Variants in FOCAD observed in about 807,000 individuals in gnomAD.
FOCAD encodes the protein KIAA1797.
A neutral mutation model predicts 225.6 loss-of-function variants in FOCAD; 198 were observed. That is an observed-to-expected ratio of 0.88 (90% confidence interval 0.78 to 0.99). The LOEUF is 0.99. Ranked by LOEUF, FOCAD falls within the 50% of genes least tolerant of loss-of-function variation. The pLI is 0.00. For synonymous variants in FOCAD, 897 were observed against 755.0 expected (o/e 1.19, Z -3.08); for missense variants, 2,713 against 2,123.6 (o/e 1.28, Z -5.46).
At chr9:20,935,531 G>C (rs1289737999) in intron 28 of FOCAD, among the ~76,000 whole-genome samples, 1 of 152,056 alleles carries the variant, frequency 6.6e-6, no homozygotes, top group Non-Finnish European at 1.5e-5. Flanking sequence ...CTCCCAAATT[G>C]CTGGCATTAC....
intron 28 of FOCAD, among the ~76,000 whole-genome samples, chr9:20,939,150 CAAAA>C (rs565280892): frequency 1.4e-5 from 1 of 72,486 alleles, no homozygotes; most frequent in East Asian, 3.6e-4. Flanking sequence ...ACTCTCTTCT[CAAAA>C]AAAAAAAAAA....
chr9:20,933,492 T>C (rs1433754028), intron 28 of FOCAD, among the ~76,000 whole-genome samples: 1 of 152,212 alleles, frequency 6.6e-6, no homozygotes, highest in African/African-American at 2.4e-5. Flanking sequence ...AATAATAGTC[T>C]CCAGTCTCAT....
rs369256456 is a variant in FOCAD at position 20,808,056 on chromosome 9, AAAAG to A, written c.1456-11733_1456-11730del. On this transcript the variant is annotated intron_variant, in intron 11 of 43. Transcript: ENST00000338382. ...AGTGAGACTCCGTCTAAGAAAAAAA[AAAAG>A]AAAGAACGAAATACTCCTTATTGGT... Among the ~76,000 whole-genome samples, 448 of 152,258 alleles carry A rather than the reference AAAAG, an allele frequency of 2.9e-3. 4 individuals carry two copies. The highest frequency in any genetic ancestry group is 0.01 in the African/African-American group (435 of 41,544).
At chr9:20,911,493 A>C (rs1833434942) in intron 22 of FOCAD, among the ~76,000 whole-genome samples, 1 of 152,186 alleles carries the variant, frequency 6.6e-6, no homozygotes, top group African/African-American at 2.4e-5. Context: ...TACAGATAAA[A>C]ATATGAATTA....
chr9:20,821,035 C>A lies in FOCAD; in HGVS notation c.1757C>A (p.Ala586Glu). The change falls in exon 14 of 44, where the codon GCA becomes GAA. Residue 586 changes from alanine to glutamate, a missense_variant. By Grantham distance (107) the Ala-to-Glu change is moderately radical (BLOSUM62 -1). Transcript: ENST00000338382. The part of the protein sequence containing the change: ...GKEVQWEKLI[A>E]KAASIRDICK... ...GAAGTCCAATGGGAGAAACTGATTG[C>A]AAAAGCAGCATCAATCAGAGATATA... 1 of 1,612,504 alleles carries A rather than the reference C, an allele frequency of 6.2e-7. No homozygotes were observed. The highest frequency in any genetic ancestry group is 1.1e-5 in the South Asian group (1 of 91,036).
chr9:20,890,018 A>G (rs62560512), intron 21 of FOCAD, among the ~76,000 whole-genome samples: 8,510 of 152,178 alleles, frequency 0.056, 326 homozygotes, highest in South Asian at 0.13. Context: ...TTGCTAGTTT[A>G]TAATCATCCA....
At chr9:20,839,997 C>G (rs377363139) in intron 15 of FOCAD, among the ~76,000 whole-genome samples, 8 of 152,072 alleles carry the variant, frequency 5.3e-5, no homozygotes, top group African/African-American at 1.9e-4. Flanking sequence ...TCTGGCTACT[C>G]TATTCTGTTC....
At chr9:20,776,973 G>A (rs956042541) in intron 8 of FOCAD, among the ~76,000 whole-genome samples, 2 of 152,152 alleles carry the variant, frequency 1.3e-5, no homozygotes, top group Admixed American at 1.3e-4. Context: ...AAATAGATAA[G>A]AGTTGCTTCA....
At chr9:20,759,383 A>G (rs1330855239) in intron 6 of FOCAD, among the ~76,000 whole-genome samples, 2 of 152,208 alleles carry the variant, frequency 1.3e-5, no homozygotes, top group African/African-American at 4.8e-5. Flanking sequence ...AATGGAACAG[A>G]ACAGAGCCTT....
chr9:20,733,536 G>T (rs1826886711), intron 4 of FOCAD, among the ~76,000 whole-genome samples: 1 of 152,008 alleles, frequency 6.6e-6, no homozygotes, highest in African/African-American at 2.4e-5. Context: ...TCCCCAGATT[G>T]TGATGTTCCC....
Position 20,819,974 on chromosome 9 carries a change from T to C in FOCAD, c.1560+74T>C. The C allele has an allele frequency of 3.1e-6, 3 of 967,036 alleles. No individual in the cohort carries two copies. The East Asian group carries it at 8.5e-5, about 27-fold the overall frequency. 59.9% of individuals were successfully genotyped at this position (967,036 alleles called of 1,614,324 possible). On this transcript the variant is annotated intron_variant, in intron 12 of 43. Coordinates refer to ENST00000338382, the MANE Select transcript of FOCAD (RefSeq NM_001375567.1). ...ATACTTTGAATTCTTTTTGGTATTATGAAATTTTAAGCCCTAAATTTTGCC... is the reference window on the plus strand; with the variant it reads ...ATACTTTGAATTCTTTTTGGTATTACGAAATTTTAAGCCCTAAATTTTGCC...
intron 15 of FOCAD, among the ~76,000 whole-genome samples, chr9:20,832,950 G>A (rs1419598803): frequency 6.6e-6 from 1 of 152,060 alleles, no homozygotes; most frequent in East Asian, 1.9e-4. Flanking sequence ...ATATCTTTAT[G>A]AGGTAGTGAC....
upstream of FOCAD, among the ~76,000 whole-genome samples, chr9:20,682,689 A>G (rs1174112345): frequency 6.6e-6 from 1 of 152,228 alleles, no homozygotes; most frequent in African/African-American, 2.4e-5. Flanking sequence ...ATCAAAGTCC[A>G]TAAAAAGGGA....
At chr9:20,699,681 T>C (rs1245367902) in intron 1 of FOCAD, among the ~76,000 whole-genome samples, 1 of 133,534 alleles carries the variant, frequency 7.5e-6, no homozygotes, top group Non-Finnish European at 1.5e-5. Flanking sequence ...GAGCTTGCAG[T>C]GAGCCGAGAT....
intron 15 of FOCAD, among the ~76,000 whole-genome samples, chr9:20,836,121 A>G (rs1366439176): frequency 6.6e-6 from 1 of 152,112 alleles, no homozygotes; most frequent in Non-Finnish European, 1.5e-5. Flanking sequence ...CCTTTGGAGC[A>G]CTATGGGGTG....
chr9:20,955,085 G>C (rs905306014), intron 35 of FOCAD, among the ~76,000 whole-genome samples: 17 of 152,182 alleles, frequency 1.1e-4, no homozygotes, highest in Admixed American at 1.1e-3. Context: ...ACTGCTGATA[G>C]GAAGGATGGC....
intron 1 of FOCAD, among the ~76,000 whole-genome samples, chr9:20,700,181 A>G (rs1190997019): frequency 6.6e-6 from 1 of 151,990 alleles, no homozygotes; most frequent in Non-Finnish European, 1.5e-5. Flanking sequence ...CTTTTACCCC[A>G]ATGGGAAATA....
intron 21 of FOCAD, among the ~76,000 whole-genome samples, chr9:20,904,270 A>G (rs913350546): frequency 1.3e-5 from 2 of 151,896 alleles, no homozygotes; most frequent in African/African-American, 4.8e-5. Context: ...TTGGGTATAT[A>G]CCTAGGTGTG....
At chr9:20,974,802 T>C (rs1222206756) in intron 35 of FOCAD, among the ~76,000 whole-genome samples, 2 of 151,596 alleles carry the variant, frequency 1.3e-5, no homozygotes, top group East Asian at 3.8e-4. Flanking sequence ...GCTTCTCCTT[T>C]TTCCTGTGCT....
Sources: allele counts gnomAD v4.1 joint callset (sites outside exome capture counted in the v4.1 genomes callset), GRCh38; gene constraint gnomAD v4.1.1; transcripts MANE v1.5; gene names NCBI Gene and HGNC (gene_info 2026-07-23, HGNC 2026-07-21).